Variants in ITPKC observed in about 807,000 individuals in gnomAD.
The protein encoded by ITPKC is IP3 3-kinase C.
In ITPKC, 33 loss-of-function variants were observed where a neutral mutation model predicts 67.1. That is an observed-to-expected ratio of 0.49 (90% CI 0.37 to 0.66). The LOEUF is 0.66. Among genes scored for constraint, ITPKC ranks in the 30% least tolerant of loss-of-function variants. The pLI is 0.00. For missense variants in ITPKC, 820 were observed against 892.1 expected (o/e 0.92, Z 1.03); for synonymous variants, 341 against 359.8 (o/e 0.95, Z 0.59).
intron 5 of ITPKC, 151 bp downstream of exon 5, chr19:40,737,238 G>C (rs906681665): frequency 9.6e-6 from 6 of 627,320 alleles, no homozygotes; most frequent in African/African-American, 1.8e-5. Flanking sequence ...GCTTGGCAAG[G>C]CTGGCTGGTC....
rs2082323341 is a variant in ITPKC, at chr19:40,740,580, C to A, written c.*1020C>A. On this transcript the variant is annotated 3_prime_UTR_variant, in exon 7 of 7. Transcript: ENST00000263370. ...CTGATCCAAACCAAAGACTGTAGAA[C>A]CCTGGGGTGTGGCTAACGGCCCCTC... 4.6e-6 allele frequency: 1 copy of A among 218,582 alleles called. No individual in the cohort carries two copies. The highest frequency in any genetic ancestry group is 9.3e-5 in the East Asian group (1 of 10,756). 13.5% of individuals were successfully genotyped at this position (218,582 alleles called of 1,614,324 possible). A position where few individuals can be genotyped will look rare whatever the true frequency, so the allele number is the denominator to read the frequency against.
chr19:40,735,341 A>ATT (rs112089538), intron 4 of ITPKC, among the ~76,000 whole-genome samples: 6 of 139,960 alleles, frequency 4.3e-5, no homozygotes, highest in African/African-American at 7.8e-5. Flanking sequence ...ATGCTCTTCT[A>ATT]TTTTTTTTTT....
chr19:40,725,388 G>C lies in ITPKC; in HGVS notation c.1204G>C (p.Val402Leu), dbSNP rs1273727819. 8 of 1,614,076 alleles carry C rather than the reference G, an allele frequency of 5.0e-6. No homozygotes were observed. Among genetic ancestry groups the C allele is most frequent in the Non-Finnish European group, 6.8e-6 (8 of 1,179,902 alleles). ...LKTVLKYSPF[V>L]VSFRKHYPWV... ...GACAGTTCTGAAGTATTCACCCTTT[G>C]TGGTCTCCTTCCGAAAACACTACCC... The change falls in exon 2 of 7, where the codon GTG (valine) becomes CTG (leucine). Residue 402 changes from valine to leucine, a missense_variant. Physicochemically the swap from Val to Leu is conservative, Grantham distance 32 (BLOSUM62 1). Coordinates refer to ENST00000263370, the MANE Select transcript of ITPKC (RefSeq NM_025194.3).
chr19:40,732,622 G>C (rs909373182), intron 3 of ITPKC, among the ~76,000 whole-genome samples: 5 of 151,672 alleles, frequency 3.3e-5, no homozygotes, highest in South Asian at 4.2e-4. Context: ...AACTAACACC[G>C]GGTCTCGCTA....
chr19:40,728,947 G>C (rs1038257443), intron 2 of ITPKC, among the ~76,000 whole-genome samples: 1 of 152,116 alleles, frequency 6.6e-6, no homozygotes, highest in African/African-American at 2.4e-5. Context: ...AGAATTGCTT[G>C]AACCCGGGAG....
intron 3 of ITPKC, among the ~76,000 whole-genome samples, chr19:40,732,628 C>T (rs547509972): frequency 7.8e-4 from 119 of 151,924 alleles, no homozygotes; most frequent in African/African-American, 2.5e-3. Flanking sequence ...CACCGGGTCT[C>T]GCTATGTTGC....
intron 2 of ITPKC, among the ~76,000 whole-genome samples, chr19:40,726,619 A>G (rs1482397064): frequency 6.6e-6 from 1 of 152,260 alleles, no homozygotes; most frequent in African/African-American, 2.4e-5. Flanking sequence ...AAATGGCGAC[A>G]GTAAGAGAAT....
In ITPKC at chr19:40,734,781, G is replaced by GTTTT. The variant is rs34843018; in HGVS notation, c.1674+1431_1674+1434dup. Among the ~76,000 whole-genome samples the GTTTT allele has an allele frequency of 3.1e-4, 36 of 114,868 alleles. 3 individuals carry two copies. The highest frequency in any genetic ancestry group is 4.9e-4 in the East Asian group (2 of 4,118). 75.4% of individuals were successfully genotyped at this position (114,868 alleles called of 152,430 possible). A position where few individuals can be genotyped will look rare whatever the true frequency, so the allele number is the denominator to read the frequency against. ...GCACTACCATGCCTGGCTAATTGTT[G>GTTTT]TTTTTTTTTTTTTTTTTGAGACAGA... On this transcript the variant is annotated intron_variant, in intron 4 of 6. Coordinates refer to ENST00000263370, the MANE Select transcript of ITPKC (RefSeq NM_025194.3).
In ITPKC at chr19:40,740,823, C is replaced by T. The variant is rs542467907; in HGVS notation, c.*1263C>T. On this transcript the variant is annotated 3_prime_UTR_variant, in exon 7 of 7. Coordinates refer to ENST00000263370, the MANE Select transcript of ITPKC (RefSeq NM_025194.3). ...GAATGGCTCTGCTGAGCCTCCTACC[C>T]ATGACAACACCCCAATAAACAGAAC... 3.5e-5 allele frequency: 14 copies of T among 395,846 alleles called. No homozygotes were observed. The highest frequency in any genetic ancestry group is 2.1e-4 in the African/African-American group (10 of 48,704). The allele number at this position is 395,846 out of a possible 1,614,324, so 24.5% of individuals were successfully genotyped here.
intron 1 of ITPKC, among the ~76,000 whole-genome samples, chr19:40,723,641 T>A (rs1406866783): frequency 6.6e-6 from 1 of 151,940 alleles, no homozygotes; most frequent in Non-Finnish European, 1.5e-5. Context: ...GGACTACAGG[T>A]GTGTATCACC....
chr19:40,717,487 T>C lies in ITPKC; in HGVS notation c.352T>C (p.Ser118Pro), dbSNP rs767117235. ...CAAGCAAAAGACGGAGCCAGACAGG[T>C]CCAGCCTCCGGACGCATCTAGAATG... is the stretch of plus-strand genomic sequence containing the variant. ...RPKQKTEPDR[S>P]SLRTHLEWSW... The change falls in exon 1 of 7, where the codon TCC becomes CCC. Residue 118 changes from serine to proline, a missense_variant. Ser to Pro is a moderately conservative substitution (Grantham distance 74, BLOSUM62 -1). Transcript: ENST00000263370. The C allele has an allele frequency of 2.4e-5, 38 of 1,613,544 alleles. No individual in the cohort carries two copies. In the South Asian group the frequency reaches 4.0e-4, roughly 17 times the overall value.
At chr19:40,723,215 C>T (rs562168635) in intron 1 of ITPKC, among the ~76,000 whole-genome samples, 20 of 152,292 alleles carry the variant, frequency 1.3e-4, no homozygotes, top group African/African-American at 4.8e-4. Context: ...CCTGCCTCAG[C>T]CTCCCAAAGT....
At chr19:40,730,217 G>A (rs1387522174) in intron 3 of ITPKC, among the ~76,000 whole-genome samples, 6 of 152,034 alleles carry the variant, frequency 3.9e-5, no homozygotes, top group Non-Finnish European at 5.9e-5. Context: ...GATTATAGGC[G>A]TGAGCCACCA....
rs1319652923 is a variant in ITPKC at position 40,739,428 on chromosome 19, C to T, written c.1920C>T (p.Gly640=). ...GLAKVWMIDF[G]KTVALPDHQT... ...CCAAGGTCTGGATGATAGACTTCGG[C>T]AAGACGGTGGCCTTGCCCGACCACC... The change falls in exon 7 of 7, where the codon GGC becomes GGT. Residue 640 remains glycine, a synonymous_variant. Transcript: ENST00000263370. 1.2e-6 allele frequency: 2 copies of T among 1,613,674 alleles called. No individual in the cohort carries two copies. Among genetic ancestry groups the T allele is most frequent in the Admixed American group, 3.3e-5 (2 of 60,018 alleles).
At chr19:40,723,005 A>G (rs2082229363) in intron 1 of ITPKC, among the ~76,000 whole-genome samples, 1 of 152,036 alleles carries the variant, frequency 6.6e-6, no homozygotes, top group Non-Finnish European at 1.5e-5. Flanking sequence ...TTTCTCGCCC[A>G]GGCTGGAGTG....
chr19:40,730,738 A>G (rs906751125), intron 3 of ITPKC, among the ~76,000 whole-genome samples: 1 of 152,070 alleles, frequency 6.6e-6, no homozygotes, highest in Non-Finnish European at 1.5e-5. Flanking sequence ...CTAATTTTCA[A>G]TTTTTTGTAG....
chr19:40,717,878 G>C lies in ITPKC; in HGVS notation c.743G>C (p.Gly248Ala). The C allele has an allele frequency of 6.2e-7, 1 of 1,614,120 alleles. No individual in the cohort carries two copies. The highest frequency in any genetic ancestry group is 8.5e-7 in the Non-Finnish European group (1 of 1,180,014). The change falls in exon 1 of 7, where the codon GGC (glycine) becomes GCC (alanine). Residue 248 changes from glycine to alanine, a missense_variant. Gly to Ala is a moderately conservative substitution (Grantham distance 60). Transcript: ENST00000263370. ...EGPWTEPYTD[G>A]SQKKQDTEAA... ...CCCTGGACAGAGCCATATACTGATGGCTCCCAGAAAAAACAGGATACTGAA... is the reference window on the plus strand; with the variant it reads ...CCCTGGACAGAGCCATATACTGATGCCTCCCAGAAAAAACAGGATACTGAA...
chr19:40,737,012 C>T lies in ITPKC; in HGVS notation c.1701C>T (p.Asn567=), dbSNP rs1186019236. The change falls in exon 5 of 7, where the codon AAC becomes AAT. Residue 567 remains asparagine (N), a synonymous_variant. Transcript: ENST00000263370. ...AGGCAGATGGGACCTGTAACACCAA[C>T]TTCAAGAAGACGCAGGCACTGGAGC... ...IKKADGTCNT[N]FKKTQALEQV... The T allele has an allele frequency of 6.3e-7, 1 of 1,593,900 alleles. No homozygotes were observed. Among genetic ancestry groups the T allele is most frequent in the Non-Finnish European group, 8.6e-7 (1 of 1,168,714 alleles).
Position 40,740,408 on chromosome 19 carries a change from C to A in ITPKC, c.*848C>A. The stretch of plus-strand genomic sequence containing the variant: ...CAGTGGCAGAAAGGAGGTTCAGAGG[C>A]TGGGAAAGTGGGCCTCCCCTTGCAA... On this transcript the variant is annotated 3_prime_UTR_variant, in exon 7 of 7. Coordinates refer to ENST00000263370, the MANE Select transcript of ITPKC (RefSeq NM_025194.3). 1 of 175,440 alleles carries A rather than the reference C, an allele frequency of 5.7e-6. No homozygotes were observed. Among genetic ancestry groups the A allele is most frequent in the Non-Finnish European group, 1.2e-5 (1 of 82,654 alleles). 10.9% of individuals were successfully genotyped at this position (175,440 alleles called of 1,614,324 possible).
Sources: gnomAD v4.1 joint callset for allele counts (sites outside exome capture counted in the v4.1 genomes callset) on GRCh38, gnomAD v4.1.1 for gene constraint, MANE v1.5 for transcripts, NCBI Gene and HGNC (gene_info 2026-07-23, HGNC 2026-07-21) for gene names.